Variants in STPG2 observed in about 807,000 individuals in gnomAD.
STPG2 encodes sperm-tail PG-rich repeat-containing protein 2.
In STPG2, 56 loss-of-function variants were observed where a neutral mutation model predicts 54.2. That is an observed-to-expected ratio of 1.03 (90% CI 0.83 to 1.29). STPG2 has a LOEUF of 1.29. STPG2 is among the 50% of genes most tolerant of loss of function. The pLI is 0.00. For synonymous variants in STPG2, 200 were observed against 181.8 expected (o/e 1.10, Z -0.81); for missense variants, 596 against 544.9 (o/e 1.09, Z -0.93).
At chr4:97,738,294 C>T (rs1372396132) in intron 9 of STPG2, among the ~76,000 whole-genome samples, 8 of 152,302 alleles carry the variant, frequency 5.3e-5, no homozygotes, top group African/African-American at 1.4e-4. Context: ...TAGGAAGAAA[C>T]TGCATCAACT....
chr4:97,571,376 G>A (rs1732595876), intron 10 of STPG2, among the ~76,000 whole-genome samples: 1 of 152,054 alleles, frequency 6.6e-6, no homozygotes, highest in African/African-American at 2.4e-5. Flanking sequence ...ACTGTTTCAG[G>A]CCATGAAGGG....
intron 10 of STPG2, among the ~76,000 whole-genome samples, chr4:97,690,001 T>C (rs1485836045): frequency 6.6e-6 from 1 of 152,160 alleles, no homozygotes; most frequent in African/African-American, 2.4e-5. Context: ...TCCTCATTAA[T>C]ATTTCAGAGT....
intron 5 of STPG2, among the ~76,000 whole-genome samples, chr4:98,077,355 G>A (rs1176558139): frequency 6.6e-6 from 1 of 152,046 alleles, no homozygotes; most frequent in Non-Finnish European, 1.5e-5. Context: ...CAATTTTCCT[G>A]CCTCAGCCTC....
chr4:97,761,741 T>A (rs1725895830), intron 9 of STPG2, among the ~76,000 whole-genome samples: 1 of 152,172 alleles, frequency 6.6e-6, no homozygotes, highest in South Asian at 2.1e-4. Flanking sequence ...AAGAACAAGA[T>A]AAATCTCTTT....
chr4:97,983,111 C>T (rs1192974246), intron 5 of STPG2, among the ~76,000 whole-genome samples: 3 of 152,200 alleles, frequency 2.0e-5, no homozygotes, highest in African/African-American at 7.2e-5. Flanking sequence ...GTCTCTGCCA[C>T]CCTTGAGATA....
At chr4:97,633,384 T>C (rs1181227235) in intron 10 of STPG2, 1 of 151,900 alleles carries the variant, frequency 6.6e-6, no homozygotes, top group Non-Finnish European at 1.5e-5. Flanking sequence ...CAGGGAAAAA[T>C]GAAAACATAC....
rs1419622368 is a variant in STPG2 at position 97,971,968 on chromosome 4, G to A, written c.933+312C>T. Among the ~76,000 whole-genome samples, 9 of 151,862 alleles carry A rather than the reference G, an allele frequency of 5.9e-5. 1 individual carries two copies. On this transcript the variant is annotated intron_variant, in intron 7 of 10. Transcript: ENST00000295268. The stretch of plus-strand genomic sequence containing the variant: ...TTAAGCATCTTCATTTTTTTCAAAT[G>A]TTCTTTGTGCTACGTGGTTTAAACT...
At chr4:97,645,427 G>A (rs1297114282) in intron 10 of STPG2, among the ~76,000 whole-genome samples, 2 of 152,098 alleles carry the variant, frequency 1.3e-5, no homozygotes, top group African/African-American at 4.8e-5. Flanking sequence ...GTATCAAGAA[G>A]GCTTTTTATT....
chr4:97,482,756 T>A (rs923472790), intron 4 of STPG2, among the ~76,000 whole-genome samples: 1 of 151,730 alleles, frequency 6.6e-6, no homozygotes, highest in Admixed American at 6.6e-5. Context: ...TACACTGTCA[T>A]CAGGTTATCT....
At chr4:97,931,061 T>C (rs1343229896) in intron 8 of STPG2, among the ~76,000 whole-genome samples, 1 of 152,240 alleles carries the variant, frequency 6.6e-6, no homozygotes, top group African/African-American at 2.4e-5. Flanking sequence ...TGAAGTTTTC[T>C]ATTAGCTGAA....
intron 8 of STPG2, among the ~76,000 whole-genome samples, chr4:97,938,740 C>A (rs991410264): frequency 2.0e-5 from 3 of 152,050 alleles, no homozygotes; most frequent in African/African-American, 7.2e-5. Context: ...TCAGGTGGGC[C>A]GACACACCAC....
intron 9 of STPG2, among the ~76,000 whole-genome samples, chr4:97,736,868 G>T (rs1725017790): frequency 6.6e-6 from 1 of 152,178 alleles, no homozygotes; most frequent in Non-Finnish European, 1.5e-5. Flanking sequence ...GGTTCTCCCA[G>T]CACGCAGATG....
intron 5 of STPG2, among the ~76,000 whole-genome samples, chr4:98,003,898 A>T (rs1044860496): frequency 3.9e-5 from 6 of 152,108 alleles, no homozygotes; most frequent in African/African-American, 1.2e-4. Flanking sequence ...AATTCTATAC[A>T]TTTAAGATGT....
rs1421990981 is a variant in STPG2, at chr4:98,012,616, CTT to C, written c.613-31300_613-31299del. Among the ~76,000 whole-genome samples, 3 of 152,186 alleles carry C rather than the reference CTT, an allele frequency of 2.0e-5. No homozygotes were observed. In the East Asian group the frequency reaches 5.8e-4, roughly 29 times the overall value. On this transcript the variant is annotated intron_variant, in intron 5 of 10. Transcript: ENST00000295268. ...GTTTTTCCATTTGTTTGTGTCCTCT[CTT>C]ATTTCCTTGAGTGATGGTTTGTAGT...
At chr4:97,643,681 T>C (rs1721826904) in intron 10 of STPG2, among the ~76,000 whole-genome samples, 1 of 151,830 alleles carries the variant, frequency 6.6e-6, no homozygotes, top group Non-Finnish European at 1.5e-5. Flanking sequence ...CTTCTTTGTT[T>C]AAAGAACTCT....
intron 8 of STPG2, among the ~76,000 whole-genome samples, chr4:97,887,526 A>G (rs1205928194): frequency 6.6e-6 from 1 of 152,198 alleles, no homozygotes; most frequent in Admixed American, 6.5e-5. Context: ...TCTAAGCAAC[A>G]AAGTATTCAA....
intron 9 of STPG2, among the ~76,000 whole-genome samples, chr4:97,713,077 C>G (rs1264535442): frequency 6.6e-6 from 1 of 152,100 alleles, no homozygotes; most frequent in African/African-American, 2.4e-5. Flanking sequence ...CCTCAATATA[C>G]TTTTATATCA....
chr4:98,011,055 C>T (rs1037491386), intron 5 of STPG2, among the ~76,000 whole-genome samples: 1 of 152,088 alleles, frequency 6.6e-6, no homozygotes, highest in Non-Finnish European at 1.5e-5. Context: ...AACCCATCAT[C>T]TAGTTTTAAA....
intron 10 of STPG2, among the ~76,000 whole-genome samples, chr4:97,652,692 A>C (rs977431575): frequency 6.6e-6 from 1 of 152,034 alleles, no homozygotes; most frequent in Non-Finnish European, 1.5e-5. Flanking sequence ...ATACACATAA[A>C]AAAGTAGCAG....
Sources: allele counts gnomAD v4.1 joint callset (sites outside exome capture counted in the v4.1 genomes callset), GRCh38; gene constraint gnomAD v4.1.1; transcripts MANE v1.5; gene names NCBI Gene and HGNC (gene_info 2026-07-23, HGNC 2026-07-21).